Variants in ELAC1 observed in about 807,000 individuals in gnomAD.
The protein encoded by ELAC1 is elaC ribonuclease Z 1.
Under a neutral mutation model 25.8 loss-of-function variants are expected in ELAC1, and 19 were observed. That is an observed-to-expected ratio of 0.74 (90% CI 0.51 to 1.08). The LOEUF (loss-of-function observed/expected upper bound fraction) is 1.08, where lower values mean the gene tolerates loss of function less well. ELAC1 is among the 50% of genes least tolerant of loss of function. The pLI is 0.00. For missense variants in ELAC1, 403 were observed against 434.6 expected (o/e 0.93, Z 0.65); for synonymous variants, 148 against 160.9 (o/e 0.92, Z 0.61).
chr18:50,983,030 T>C (rs1907995449), intron 2 of ELAC1, among the ~76,000 whole-genome samples: 1 of 152,146 alleles, frequency 6.6e-6, no homozygotes, highest in African/African-American at 2.4e-5. Flanking sequence ...TCCTGGAATA[T>C]ATGTTTGCTT....
rs377479349 is a variant in ELAC1 at position 50,984,603 on chromosome 18, A to T, written c.625+40A>T. On this transcript the variant is annotated intron_variant, in intron 3 of 3. Transcript: ENST00000269466. ...GTTTTTTGTTTTTTCCCGCCTTCTC[A>T]TCAATAGGGCTCCTGTTGACTGAAG... 66 of 1,401,274 alleles carry T rather than the reference A, an allele frequency of 4.7e-5. No individual in the cohort carries two copies. The African/African-American group carries it at 8.4e-4, about 18-fold the overall frequency. 86.8% of individuals were successfully genotyped at this position (1,401,274 alleles called of 1,614,324 possible).
chr18:50,969,421 A>T (rs1303737969), intron 1 of ELAC1: 1 of 152,224 alleles, frequency 6.6e-6, no homozygotes, highest in Non-Finnish European at 1.5e-5. Context: ...ATGGGGGATT[A>T]CTGTGTTTTT....
At position 50,987,974 on chromosome 18, in the gene ELAC1, G is replaced by A. The variant is rs1908158110; in HGVS notation, c.*889G>A. The A allele has an allele frequency of 6.6e-6, 1 of 152,184 alleles. No homozygotes were observed. The highest frequency in any genetic ancestry group is 1.5e-5 in the Non-Finnish European group (1 of 68,034). 9.4% of individuals were successfully genotyped at this position (152,184 alleles called of 1,614,324 possible). On this transcript the variant is annotated 3_prime_UTR_variant, in exon 4 of 4. Transcript: ENST00000269466. ...GTAAGTCAAATCCTAAAGAGTGAAT[G>A]TGTTAGAATTGCAGTGTCATACCAA...
chr18:50,980,512 C>T (rs1003467800), intron 2 of ELAC1, among the ~76,000 whole-genome samples: 3 of 151,986 alleles, frequency 2.0e-5, no homozygotes, highest in Non-Finnish European at 2.9e-5. Flanking sequence ...TGCCTGTAAT[C>T]CCAGCACTTT....
At chr18:50,976,585 A>G (rs896257874) in intron 2 of ELAC1, among the ~76,000 whole-genome samples, 1 of 152,182 alleles carries the variant, frequency 6.6e-6, no homozygotes, top group African/African-American at 2.4e-5. Flanking sequence ...CCCTCCCATG[A>G]CATGTGGGGA....
rs552455433 is a variant in ELAC1 at position 50,983,155 on chromosome 18, G to GTTTTTTTTTTT, written c.158-925_158-915dup. ...GGTACACTTGTATATTTTACTTGGT[G>GTTTTTTTTTTT]TTTTTTTTTTTTTTTTTTTTTTTTT... On this transcript the variant is annotated intron_variant, in intron 2 of 3. Coordinates refer to ENST00000269466, the MANE Select transcript of ELAC1 (RefSeq NM_018696.3). 1.1e-4 allele frequency among the ~76,000 whole-genome samples: 7 copies of GTTTTTTTTTTT among 60,874 alleles called. 1 individual carries two copies. The highest frequency in any genetic ancestry group is 4.4e-4 in the African/African-American group (7 of 15,874). 39.9% of individuals were successfully genotyped at this position (60,874 alleles called of 152,430 possible).
intron 1 of ELAC1, among the ~76,000 whole-genome samples, chr18:50,971,465 G>T (rs926380078): frequency 1.3e-5 from 2 of 152,158 alleles, no homozygotes; most frequent in Non-Finnish European, 2.9e-5. Flanking sequence ...ACAGCTCACT[G>T]CAGCCTTAAC....
intron 1 of ELAC1, chr18:50,969,628 C>G (rs1907594966): frequency 6.6e-6 from 1 of 152,242 alleles, no homozygotes; most frequent in South Asian, 2.1e-4. Context: ...CTGTTAACGT[C>G]AGAAAGAGAG....
At chr18:50,972,469 T>A (rs1907693213) in intron 1 of ELAC1, among the ~76,000 whole-genome samples, 1 of 151,906 alleles carries the variant, frequency 6.6e-6, no homozygotes, top group African/African-American at 2.4e-5. Context: ...ATATTATTGT[T>A]TGTATGTATG....
At chr18:50,972,002 CTT>C (rs202072304) in intron 1 of ELAC1, among the ~76,000 whole-genome samples, 1 of 124,666 alleles carries the variant, frequency 8.0e-6, no homozygotes, top group Non-Finnish European at 1.7e-5. Flanking sequence ...TTTGCATAAA[CTT>C]TTTTTTTTTA....
intron 2 of ELAC1, among the ~76,000 whole-genome samples, chr18:50,982,526 G>A (rs972637638): frequency 6.6e-6 from 1 of 152,202 alleles, no homozygotes; most frequent in Non-Finnish European, 1.5e-5. Context: ...AGGACCAGAA[G>A]CCTCTTTTGC....
chr18:50,973,051 C>G (rs935183858), intron 1 of ELAC1, among the ~76,000 whole-genome samples: 6 of 152,114 alleles, frequency 3.9e-5, no homozygotes, highest in African/African-American at 1.4e-4. Context: ...ATCTTTTATT[C>G]GTGTGAATCT....
chr18:50,972,091 AG>A (rs1277557906), intron 1 of ELAC1, among the ~76,000 whole-genome samples: 1 of 146,268 alleles, frequency 6.8e-6, no homozygotes, highest in East Asian at 2.0e-4. Flanking sequence ...TGACTTTATG[AG>A]TCTCAATATA....
At position 50,984,243 on chromosome 18, in the gene ELAC1, T is replaced by A; in HGVS notation, c.305T>A (p.Phe102Tyr). Residue 102 changes from phenylalanine to tyrosine, a missense_variant, in exon 3 of 4, where the codon TTT (phenylalanine) becomes TAT (tyrosine). Coordinates refer to ENST00000269466, the MANE Select transcript of ELAC1 (RefSeq NM_018696.3). Reference sequence around the variant, plus strand: ...TATGGCCCTGTAGGGCTTCGGGACTTTATCTGGCGAACCATGGAACTCTCT... The same window carrying A: ...TATGGCCCTGTAGGGCTTCGGGACTATATCTGGCGAACCATGGAACTCTCT... ...EIYGPVGLRD[F>Y]IWRTMELSHT... 1 of 1,614,140 alleles carries A rather than the reference T, an allele frequency of 6.2e-7. No individual in the cohort carries two copies. Among genetic ancestry groups the A allele is most frequent in the Non-Finnish European group, 8.5e-7 (1 of 1,180,022 alleles).
intron 1 of ELAC1, chr18:50,969,453 TTAGA>T (rs2144304836): frequency 6.6e-6 from 1 of 152,304 alleles, no homozygotes; most frequent in South Asian, 2.1e-4. Context: ...ATACCAGGAG[TTAGA>T]TAGCATCTTG....
Position 50,984,380 on chromosome 18 carries a change from C to T in ELAC1, c.442C>T (p.Pro148Ser). 1.2e-6 allele frequency: 2 copies of T among 1,614,126 alleles called. No individual in the cohort carries two copies. The highest frequency in any genetic ancestry group is 1.7e-6 in the Non-Finnish European group (2 of 1,180,008). ...GCATGTGAATAGAGCAGACAGTCCT[C>T]CCAAAGAGGAACAAGGAAGAACTAT... ...FAHVNRADSP[P>S]KEEQGRTILL... Residue 148 changes from proline to serine, a missense_variant, in exon 3 of 4, where the codon CCC (proline) becomes TCC (serine). Pro to Ser is a moderately conservative substitution (Grantham distance 74, BLOSUM62 -1). Transcript: ENST00000269466.
chr18:50,983,252 C>T (rs750828900), intron 2 of ELAC1, among the ~76,000 whole-genome samples: 2 of 149,060 alleles, frequency 1.3e-5, no homozygotes, highest in Non-Finnish European at 3.0e-5. Flanking sequence ...ACCTCCGCCT[C>T]CTGGGTTCAA....
At chr18:50,985,965 T>C (rs1908098034) in intron 3 of ELAC1, among the ~76,000 whole-genome samples, 1 of 152,076 alleles carries the variant, frequency 6.6e-6, no homozygotes, top group Admixed American at 6.6e-5. Context: ...AATTTTTTTA[T>C]TAAGTTACTT....
intron 1 of ELAC1, among the ~76,000 whole-genome samples, chr18:50,971,906 GTGTGTGTATATATATATA>G (rs1907664205): frequency 9.2e-6 from 1 of 108,464 alleles, no homozygotes; most frequent in African/African-American, 3.5e-5. Flanking sequence ...ATGTGTGTGT[GTGTGTGTATATATATATA>G]TATATATATA....
Sources: allele counts gnomAD v4.1 joint callset (sites outside exome capture counted in the v4.1 genomes callset), GRCh38; gene constraint gnomAD v4.1.1; transcripts MANE v1.5; gene names NCBI Gene and HGNC (gene_info 2026-07-23, HGNC 2026-07-21).